The following NUP153 variants were observed in gnomAD, a reference collection of about 807,000 sequenced individuals.
NUP153 encodes the protein nucleoporin 153.
In NUP153, 27 loss-of-function variants were observed where a neutral mutation model predicts 134.6. The ratio of observed to expected loss-of-function variants is 0.20; its 90% CI spans 0.15 to 0.28. The LOEUF is 0.28. Among genes scored for constraint, NUP153 ranks in the 10% least tolerant of loss-of-function variants. The probability of loss-of-function intolerance (pLI) is 1.00; values close to 1 mark genes in which losing one functional copy is unlikely to be tolerated. For missense variants in NUP153, 1,821 were observed against 1,731.3 expected (o/e 1.05, Z -0.92); for synonymous variants, 640 against 623.5 (o/e 1.03, Z -0.40).
At chr6:17,662,979 C>T (rs73723000) in intron 9 of NUP153, among the ~76,000 whole-genome samples, 1,632 of 152,158 alleles carry the variant, frequency 0.011, 32 homozygotes, top group African/African-American at 0.036. Flanking sequence ...AGAGACATGA[C>T]AACTAAATGC....
intron 2 of NUP153, among the ~76,000 whole-genome samples, chr6:17,686,060 A>G (rs896652713): frequency 3.3e-5 from 5 of 152,090 alleles, no homozygotes; most frequent in Admixed American, 3.3e-4. Flanking sequence ...AGGTGGGAGG[A>G]TCGCTTGAGC....
At chr6:17,641,271 C>T (rs567848446) in intron 14 of NUP153, among the ~76,000 whole-genome samples, 11 of 152,094 alleles carry the variant, frequency 7.2e-5, no homozygotes, top group East Asian at 1.9e-4. Flanking sequence ...CACGGGGGCC[C>T]GTGCCTGTAA....
chr6:17,664,709 A>G (rs1322813836), intron 9 of NUP153, among the ~76,000 whole-genome samples: 1 of 152,140 alleles, frequency 6.6e-6, no homozygotes, highest in Non-Finnish European at 1.5e-5. Context: ...TATGTAACCT[A>G]AACAATGGGT....
intron 11 of NUP153, among the ~76,000 whole-genome samples, chr6:17,657,983 C>T (rs1302923523): frequency 6.6e-6 from 1 of 152,158 alleles, no homozygotes; most frequent in African/African-American, 2.4e-5. Context: ...AAGACAAGTT[C>T]GAGCGATTTT....
chr6:17,645,914 A>G (rs1329701539), intron 14 of NUP153, among the ~76,000 whole-genome samples, 153 bp downstream of exon 14: 1 of 152,202 alleles, frequency 6.6e-6, no homozygotes. Flanking sequence ...AAGCACCGTC[A>G]AAAAGGTTAA....
At chr6:17,634,819 G>A (rs7770657) in intron 16 of NUP153, among the ~76,000 whole-genome samples, 45,755 of 151,894 alleles carry the variant, frequency 0.3, 7,590 homozygotes, top group Middle Eastern at 0.52. Context: ...TATTCAGTTC[G>A]ATCAGTACAT....
intron 18 of NUP153, among the ~76,000 whole-genome samples, chr6:17,627,102 C>T (rs1764985848): frequency 6.6e-6 from 1 of 152,158 alleles, no homozygotes; most frequent in South Asian, 2.1e-4. Flanking sequence ...ATACCGCACA[C>T]TATCCAGGGC....
chr6:17,625,514 A>G lies in NUP153; in HGVS notation c.3901+294T>C, dbSNP rs1186121291. ...CACTGCACTCCAGCCTGGGTGACAG[A>G]GCAAGACTCCGTCTCGAAAGAAAAC... On this transcript the variant is annotated intron_variant, in intron 19 of 21. Transcript: ENST00000262077. The surrounding 1 kb of genome is among the most constrained non-coding windows in gnomAD (Gnocchi z 4.7). Among the ~76,000 whole-genome samples, 1 of 152,184 alleles carries G rather than the reference A, an allele frequency of 6.6e-6. No homozygotes were observed. The highest frequency in any genetic ancestry group is 1.5e-5 in the Non-Finnish European group (1 of 68,040).
At position 17,698,663 on chromosome 6, in the gene NUP153, G is replaced by A. The variant is rs925031933; in HGVS notation, c.111+7614C>T. Among the ~76,000 whole-genome samples, 8 of 151,318 alleles carry A rather than the reference G, an allele frequency of 5.3e-5. No individual in the cohort carries two copies. In the East Asian group the frequency reaches 5.8e-4, roughly 11 times the overall value. On this transcript the variant is annotated intron_variant, in intron 1 of 21. Coordinates refer to ENST00000262077, the MANE Select transcript of NUP153 (RefSeq NM_005124.4). The stretch of plus-strand genomic sequence containing the variant: ...TGAGGCAGGAGAATGGCGTGAACCC[G>A]GGAGGCAGAGCTTGCAGTGAGCCGA...
At chr6:17,688,322 A>G (rs1001252469) in intron 2 of NUP153, 74 bp downstream of exon 2, 1 of 1,106,660 alleles carries the variant, frequency 9.0e-7, no homozygotes, top group Non-Finnish European at 1.4e-6. Context: ...TAGATTTACC[A>G]TAACTAGGTA....
chr6:17,679,725 C>T (rs1297294361), intron 2 of NUP153, among the ~76,000 whole-genome samples: 8 of 152,104 alleles, frequency 5.3e-5, no homozygotes, highest in Non-Finnish European at 1.5e-5. Flanking sequence ...TCACAAAATC[C>T]ACAAGACTAC....
chr6:17,673,921 T>C (rs964484843), intron 5 of NUP153, among the ~76,000 whole-genome samples: 77 of 152,338 alleles, frequency 5.1e-4, no homozygotes, highest in African/African-American at 1.8e-3. Flanking sequence ...TCATTCATAA[T>C]TGCCAGAAAC....
chr6:17,670,776 T>G (rs1767860700), intron 5 of NUP153, among the ~76,000 whole-genome samples: 1 of 152,192 alleles, frequency 6.6e-6, no homozygotes, highest in Non-Finnish European at 1.5e-5. Flanking sequence ...TATAGTACTC[T>G]TTAGATTGTT....
intron 16 of NUP153, among the ~76,000 whole-genome samples, chr6:17,636,138 A>C (rs1235076706): frequency 6.6e-6 from 1 of 152,208 alleles, no homozygotes; most frequent in African/African-American, 2.4e-5. Flanking sequence ...GTCCAAGACC[A>C]GCCTGGCCAA....
At chr6:17,695,748 G>A (rs1172832428) in intron 1 of NUP153, among the ~76,000 whole-genome samples, 1 of 152,184 alleles carries the variant, frequency 6.6e-6, no homozygotes, top group Non-Finnish European at 1.5e-5. Context: ...GGTGGCTCAC[G>A]CCTGTAATCC....
chr6:17,675,654 A>T lies in NUP153; in HGVS notation c.451T>A (p.Ser151Thr). The change falls in exon 3 of 22, where the codon TCT (serine) becomes ACT (threonine). Residue 151 changes from serine to threonine, a missense_variant. By Grantham distance (58) the Ser-to-Thr change is moderately conservative (BLOSUM62 1). Transcript: ENST00000262077. The surrounding 1 kb of genome is among the most constrained non-coding windows in gnomAD (Gnocchi z 4.4). ...CCAATTGGGAATGCCGAGGATGTAG[A>T]TGGCTGACAGTGTAATGCAGGGGAT... ...LESPALHCQP[S>T]TSSAFPIGSS... 6.2e-7 allele frequency: 1 copy of T among 1,614,192 alleles called. No individual in the cohort carries two copies. Among genetic ancestry groups the T allele is most frequent in the South Asian group, 1.1e-5 (1 of 91,086 alleles).
Position 17,628,827 on chromosome 6 carries a change from A to G in NUP153, c.3372T>C (p.Asn1124=). 1 of 1,614,158 alleles carries G rather than the reference A, an allele frequency of 6.2e-7. No individual in the cohort carries two copies. The highest frequency in any genetic ancestry group is 1.3e-5 in the African/African-American group (1 of 75,034). The change falls in exon 18 of 22, where the codon AAT becomes AAC. Residue 1124 remains asparagine, a synonymous_variant. Transcript: ENST00000262077. This position sits in a 1 kb window ranked among gnomAD's most constrained non-coding sequence, Gnocchi z 5.4. The part of the protein sequence containing the change: ...TSLVFGKKAD[N]EEPKCQPVFS... ...ACACTGGTTGACACTTTGGCTCTTCATTGTCAGCTTTCTTCCCAAAAACTA... is the reference window on the plus strand; with the variant it reads ...ACACTGGTTGACACTTTGGCTCTTCGTTGTCAGCTTTCTTCCCAAAAACTA...
At chr6:17,673,137 C>T (rs537369914) in intron 5 of NUP153, among the ~76,000 whole-genome samples, 21 of 152,202 alleles carry the variant, frequency 1.4e-4, no homozygotes, top group Admixed American at 5.2e-4. Flanking sequence ...GGGAGGCCAA[C>T]GCGGGTGAAT....
chr6:17,678,351 T>TAAAAAAA (rs1768355170), intron 2 of NUP153, among the ~76,000 whole-genome samples: 1 of 40,762 alleles, frequency 2.5e-5, no homozygotes, highest in African/African-American at 1.9e-4. Context: ...ACCCTCTGTC[T>TAAAAAAA]CAAAAAAAAA....
Sources: allele counts gnomAD v4.1 joint callset (sites outside exome capture counted in the v4.1 genomes callset), GRCh38; gene constraint gnomAD v4.1.1; non-coding constraint Gnocchi (gnomAD v3.1); transcripts MANE v1.5; gene names NCBI Gene and HGNC (gene_info 2026-07-23, HGNC 2026-07-21).